The following COL18A1 variants were observed in gnomAD, a reference collection of about 807,000 sequenced individuals.
COL18A1 encodes collagen type XVIII alpha 1 chain.
A neutral mutation model predicts 168.0 loss-of-function variants in COL18A1; 133 were observed. The ratio of observed to expected loss-of-function variants is 0.79; its 90% confidence interval spans 0.69 to 0.91. The LOEUF (loss-of-function observed/expected upper bound fraction) is 0.91. Among genes scored for constraint, COL18A1 ranks in the 40% least tolerant of loss-of-function variants. The probability of loss-of-function intolerance (pLI) is 0.00; values close to 1 mark genes in which losing one functional copy is unlikely to be tolerated. For synonymous variants in COL18A1, 949 were observed against 809.0 expected (o/e 1.17, Z -2.94); for missense variants, 2,126 against 1,925.4 (o/e 1.10, Z -1.95).
rs2034046243 is a variant in COL18A1 at position 45,473,570 on chromosome 21, C to G, written c.652-325C>G. Among the ~76,000 whole-genome samples, 2 of 152,166 alleles carry G rather than the reference C, an allele frequency of 1.3e-5. No individual in the cohort carries two copies. Among genetic ancestry groups the G allele is most frequent in the Non-Finnish European group, 2.9e-5 (2 of 68,010 alleles). On this transcript the variant is annotated intron_variant, in intron 3 of 41. Coordinates refer to ENST00000651438, the MANE Select transcript of COL18A1 (RefSeq NM_001379500.1). The surrounding 1 kb of genome is among the most constrained non-coding windows in gnomAD (Gnocchi z 4.0). ...CCTCGAATCTGCCCGCCCTCCCAGG[C>G]CTTGGATCGAGCCACACCTGCTGTG...
chr21:45,494,012 C>T (rs1298893611), intron 26 of COL18A1: 2 of 257,746 alleles, frequency 7.8e-6, no homozygotes, highest in Non-Finnish European at 1.5e-5. Flanking sequence ...GCGTCCCCAC[C>T]CCCAGCAGGC....
At chr21:45,445,873 A>G (rs1368015694) in intron 2 of COL18A1, among the ~76,000 whole-genome samples, 1 of 152,172 alleles carries the variant, frequency 6.6e-6, no homozygotes, top group Non-Finnish European at 1.5e-5. Flanking sequence ...TGATTCGCAA[A>G]TATCTTCTCC....
chr21:45,496,196 C>T (rs2036538288), intron 29 of COL18A1: 1 of 577,096 alleles, frequency 1.7e-6, no homozygotes, highest in African/African-American at 1.9e-5. Flanking sequence ...GCTTTGTCTC[C>T]CTGATGTCAG....
chr21:45,496,903 C>T (rs1294653648), intron 30 of COL18A1, 147 bp from the exon 31 acceptor site: 4 of 707,568 alleles, frequency 5.7e-6, no homozygotes, highest in Non-Finnish European at 1.0e-5. Context: ...CTCTCCGTAC[C>T]CCTGTTCCCT....
chr21:45,507,673 A>C (rs1376833419), intron 38 of COL18A1, 80 bp downstream of exon 38: 5 of 1,365,866 alleles, frequency 3.7e-6, no homozygotes, highest in Non-Finnish European at 3.1e-6. Flanking sequence ...TTGAGGAACA[A>C]CACGTGGTCC....
intron 6 of COL18A1, among the ~76,000 whole-genome samples, chr21:45,476,850 A>G (rs1005133112): frequency 4.5e-5 from 6 of 134,236 alleles, no homozygotes; most frequent in Admixed American, 4.3e-4. Context: ...TGTGATGTGT[A>G]GTGTGCGTAT....
intron 32 of COL18A1, among the ~76,000 whole-genome samples, chr21:45,499,390 G>A (rs1355566078): frequency 6.6e-6 from 1 of 152,220 alleles, no homozygotes; most frequent in Admixed American, 6.5e-5. Context: ...ACCAGCGTGG[G>A]CTGCCCCACA....
Position 45,503,198 on chromosome 21 carries a change from G to C in COL18A1, c.2684-813G>C, listed in dbSNP as rs563533494. ...TTACAGTCCCACCAACAGTGTAAAA[G>C]TGTTCCTATTTCTCTACATCCTCTC... On this transcript the variant is annotated intron_variant, in intron 32 of 41. Coordinates refer to ENST00000651438, the MANE Select transcript of COL18A1 (RefSeq NM_001379500.1). Among the ~76,000 whole-genome samples the C allele has an allele frequency of 7.2e-5, 11 of 152,296 alleles. No individual in the cohort carries two copies. In the East Asian group the frequency reaches 2.1e-3, roughly 29 times the overall value.
At position 45,507,705 on chromosome 21, in the gene COL18A1, A is replaced by G. The variant is rs1602633871; in HGVS notation, c.3249+112A>G. The stretch of plus-strand genomic sequence containing the variant: ...GTCCTTTGGAGTCCTGGAGCTGAAC[A>G]TGTGGCTCACCATCAGCCCCTGCTG... On this transcript the variant is annotated intron_variant, in intron 38 of 41. Coordinates refer to ENST00000651438, the MANE Select transcript of COL18A1 (RefSeq NM_001379500.1). 6.9e-6 allele frequency: 7 copies of G among 1,019,426 alleles called. No homozygotes were observed. The East Asian group carries it at 1.8e-4, about 26-fold the overall frequency. The allele number at this position is 1,019,426 out of a possible 1,614,324, so 63.1% of individuals were successfully genotyped here. A position where few individuals can be genotyped will look rare whatever the true frequency, so the allele number is the denominator to read the frequency against.
intron 33 of COL18A1, 71 bp from the exon 34 acceptor site, chr21:45,504,345 G>C (rs547167705): frequency 2.0e-6 from 3 of 1,501,636 alleles, no homozygotes; most frequent in South Asian, 2.4e-5. Flanking sequence ...GCCCTGGCTC[G>C]GGGGGATGGG....
rs753701946 is a variant in COL18A1, at chr21:45,437,628, A to ACACT, written c.107-30611_107-30610insTCAC. 2.4e-4 allele frequency among the ~76,000 whole-genome samples: 18 copies of ACACT among 73,926 alleles called. 1 individual carries two copies. In the East Asian group the frequency reaches 2.7e-3, roughly 11 times the overall value. The allele number at this position is 73,926 out of a possible 152,430, so 48.5% of individuals were successfully genotyped here. On this transcript the variant is annotated intron_variant, in intron 2 of 41. Coordinates refer to ENST00000651438, the MANE Select transcript of COL18A1 (RefSeq NM_001379500.1). ...CAGACACACAGGCACTCTCCTGCAC[A>ACACT]CACACTCACACAGGCACTCTCCTGC...
At chr21:45,466,023 G>A (rs1279563745) in intron 2 of COL18A1, among the ~76,000 whole-genome samples, 1 of 152,158 alleles carries the variant, frequency 6.6e-6, no homozygotes, top group Non-Finnish European at 1.5e-5. Context: ...AGACAAAGCC[G>A]AGCATGGGAC....
intron 34 of COL18A1, 108 bp from the exon 35 acceptor site, chr21:45,505,026 G>C (rs2037106877): frequency 7.0e-7 from 1 of 1,427,402 alleles, no homozygotes; most frequent in African/African-American, 1.4e-5. Flanking sequence ...CGGTGACTCA[G>C]AGGCTGCGCT....
At position 45,498,260 on chromosome 21, in the gene COL18A1, G is replaced by A. The variant is rs1568930881; in HGVS notation, c.2683+599G>A. 1.4e-6 allele frequency: 1 copy of A among 705,718 alleles called. No individual in the cohort carries two copies. Among genetic ancestry groups the A allele is most frequent in the Non-Finnish European group, 2.6e-6 (1 of 384,694 alleles). The allele number at this position is 705,718 out of a possible 1,614,324, so 43.7% of individuals were successfully genotyped here. Reference sequence around the variant, plus strand: ...GGGGCTGGCAGAGCAGAAGCCCAGAGAGCCAGGCTAGCCTCGGGCGCCTTT... The same window carrying A: ...GGGGCTGGCAGAGCAGAAGCCCAGAAAGCCAGGCTAGCCTCGGGCGCCTTT... On this transcript the variant is annotated intron_variant, in intron 32 of 41. Coordinates refer to ENST00000651438, the MANE Select transcript of COL18A1 (RefSeq NM_001379500.1). This position sits in a 1 kb window ranked among gnomAD's most constrained non-coding sequence, Gnocchi z 4.5.
chr21:45,487,018 CT>C (rs1332076503), intron 16 of COL18A1, 26 bp downstream of exon 16: 1 of 1,496,898 alleles, frequency 6.7e-7, no homozygotes, highest in Admixed American at 2.3e-5. Context: ...ACCTGACCCC[CT>C]GGAGAGCCGG....
chr21:45,434,248 G>A (rs1359118459), intron 2 of COL18A1, among the ~76,000 whole-genome samples: 1 of 152,184 alleles, frequency 6.6e-6, no homozygotes, highest in Non-Finnish European at 1.5e-5. Flanking sequence ...GGCAGGGCAG[G>A]ACAGAAGCAT....
At chr21:45,427,840 A>C (rs2033850675) in intron 2 of COL18A1, among the ~76,000 whole-genome samples, 1 of 152,024 alleles carries the variant, frequency 6.6e-6, no homozygotes, top group Non-Finnish European at 1.5e-5. Context: ...AGGCCTCGGG[A>C]ATGCGCCGGC....
chr21:45,487,245 CTGACCCGAGACGGG>C (rs2036146643), intron 16 of COL18A1, among the ~76,000 whole-genome samples, 188 bp from the exon 17 acceptor site: 1 of 152,224 alleles, frequency 6.6e-6, no homozygotes, highest in Non-Finnish European at 1.5e-5. Context: ...AGCGAATGAG[CTGACCCGAGACGGG>C]CTGCCCCGGG....
chr21:45,482,865 C>T, intron 15 of COL18A1, 44 bp downstream of exon 15: 1 of 1,614,022 alleles, frequency 6.2e-7, no homozygotes, highest in African/African-American at 1.3e-5. Context: ...GCCCCTGGTG[C>T]CCACTCAGTG....
Sources: allele counts gnomAD v4.1 joint callset (sites outside exome capture counted in the v4.1 genomes callset), GRCh38; gene constraint gnomAD v4.1.1; non-coding constraint Gnocchi (gnomAD v3.1); transcripts MANE v1.5; gene names NCBI Gene and HGNC (gene_info 2026-07-23, HGNC 2026-07-21).